Variants in CENPU observed in about 807,000 individuals in gnomAD.
CENPU encodes KSHV latent nuclear antigen interacting protein 1.
A neutral mutation model predicts 56.7 loss-of-function variants in CENPU; 46 were observed. The ratio of observed to expected loss-of-function variants is 0.81; its 90% CI spans 0.64 to 1.04. CENPU has a LOEUF of 1.04. Among genes scored for constraint, CENPU ranks in the 50% least tolerant of loss-of-function variants. CENPU has a pLI of 0.00. For synonymous variants in CENPU, 166 were observed against 163.0 expected, an observed-to-expected ratio of 1.02 and a Z score of -0.14; for missense variants, 510 against 490.1, an observed-to-expected ratio of 1.04 and a Z score of -0.38.
chr4:184,733,974 C>G (rs199997490), intron 1 of CENPU, 42 bp downstream of exon 1: 5 of 1,611,086 alleles, frequency 3.1e-6, no homozygotes, highest in Non-Finnish European at 4.2e-6. Context: ...GCAGTTCAAG[C>G]TGGTCTCCGG....
intron 4 of CENPU, among the ~76,000 whole-genome samples, chr4:184,723,765 C>A (rs900141276): frequency 7.0e-6 from 1 of 142,232 alleles, no homozygotes; most frequent in Non-Finnish European, 1.5e-5. Flanking sequence ...ATTGCTTGAA[C>A]CTGGGAGGCG....
chr4:184,721,479 G>A (rs33952206), intron 4 of CENPU, among the ~76,000 whole-genome samples: 6,482 of 39,752 alleles, frequency 0.16, 536 homozygotes, highest in African/African-American at 0.34. Context: ...AAAAAAAAAA[G>A]GACCCAATGA....
intron 11 of CENPU, among the ~76,000 whole-genome samples, chr4:184,700,059 T>C (rs1355014873): frequency 1.3e-5 from 2 of 152,250 alleles, no homozygotes; most frequent in East Asian, 3.8e-4. Flanking sequence ...TTTCTCAAGC[T>C]ATTTTTAAGC....
At chr4:184,717,710 T>C (rs951812654) in intron 4 of CENPU, among the ~76,000 whole-genome samples, 1 of 152,314 alleles carries the variant, frequency 6.6e-6, no homozygotes, top group East Asian at 1.9e-4. Flanking sequence ...AGGCTTTCCT[T>C]CAAAGGGTTC....
intron 11 of CENPU, 95 bp downstream of exon 11, chr4:184,700,725 A>T: frequency 1.8e-6 from 2 of 1,089,226 alleles, no homozygotes; most frequent in Non-Finnish European, 2.8e-6. Context: ...CTGGGGCTTT[A>T]ATACATCACA....
chr4:184,699,660 C>T (rs1760463595), intron 11 of CENPU: 7 of 1,237,028 alleles, frequency 5.7e-6, no homozygotes, highest in Non-Finnish European at 7.4e-6. Context: ...ACTCCTGTGG[C>T]AGTCTCTCTT....
chr4:184,727,714 T>C (rs7678849), intron 3 of CENPU, among the ~76,000 whole-genome samples: 27,046 of 152,138 alleles, frequency 0.18, 2,674 homozygotes, highest in African/African-American at 0.26. Flanking sequence ...TTCACAGCAG[T>C]ATTATTCACA....
intron 7 of CENPU, 25 bp from the exon 8 acceptor site, chr4:184,710,205 T>G: frequency 6.7e-7 from 1 of 1,484,694 alleles, no homozygotes; most frequent in Non-Finnish European, 9.3e-7. Context: ...TAAGTTAACA[T>G]GCTGGTTATT....
At chr4:184,713,234 T>C (rs1380654551) in intron 6 of CENPU, among the ~76,000 whole-genome samples, 2 of 152,032 alleles carry the variant, frequency 1.3e-5, no homozygotes, top group African/African-American at 4.8e-5. Flanking sequence ...CTACTAAAAA[T>C]ACAAAAATTG....
intron 8 of CENPU, among the ~76,000 whole-genome samples, chr4:184,709,265 G>T (rs780243670): frequency 1.4e-4 from 21 of 152,162 alleles, no homozygotes; most frequent in Non-Finnish European, 2.8e-4. Flanking sequence ...GAGGTGGGCA[G>T]ATCACGAGAT....
At chr4:184,696,309 C>T (rs999325394) in intron 12 of CENPU, among the ~76,000 whole-genome samples, 1 of 152,190 alleles carries the variant, frequency 6.6e-6, no homozygotes. Flanking sequence ...GCCCAAATAT[C>T]TACACTTAAT....
At chr4:184,729,688 G>A (rs1014620989) in intron 2 of CENPU, among the ~76,000 whole-genome samples, 1 of 152,168 alleles carries the variant, frequency 6.6e-6, no homozygotes, top group Non-Finnish European at 1.5e-5. Flanking sequence ...TCCTGTCTCC[G>A]GAAATATGCC....
intron 11 of CENPU, among the ~76,000 whole-genome samples, chr4:184,699,819 C>G (rs995345296): frequency 2.0e-5 from 3 of 152,104 alleles, no homozygotes; most frequent in Non-Finnish European, 2.9e-5. Context: ...CACCACCACA[C>G]CCGGCTAATT....
At chr4:184,732,630 A>C (rs1056248230) in intron 1 of CENPU, among the ~76,000 whole-genome samples, 11 of 151,988 alleles carry the variant, frequency 7.2e-5, no homozygotes, top group Non-Finnish European at 1.2e-4. Flanking sequence ...GGGGGGAAAA[A>C]AAGTCAAGGT....
intron 3 of CENPU, 112 bp downstream of exon 3, chr4:184,728,806 T>G: frequency 1.3e-6 from 1 of 749,454 alleles, no homozygotes; most frequent in Non-Finnish European, 2.3e-6. Flanking sequence ...AACATTATAT[T>G]TACATGCAGG....
At position 184,716,590 on chromosome 4, in the gene CENPU, A is replaced by T. The variant is rs1238500794; in HGVS notation, c.425T>A (p.Ile142Asn). 1 of 1,614,106 alleles carries T rather than the reference A, an allele frequency of 6.2e-7. No individual in the cohort carries two copies. The highest frequency in any genetic ancestry group is 1.7e-5 in the Admixed American group (1 of 60,028). The change falls in exon 6 of 13, where the codon ATT (isoleucine) becomes AAT (asparagine). Residue 142 changes from isoleucine to asparagine, a missense_variant. Physicochemically the swap from Ile to Asn is moderately radical, Grantham distance 149. Transcript: ENST00000281453. ...TTTTCTCCTTGTATCACTTTCTTCA[A>T]TGCTTTCAGAGTCATCACTAATGGG... ...LRPISDDSES[I>N]EESDTRRKVK...
chr4:184,719,090 C>T (rs1761189554), intron 4 of CENPU, among the ~76,000 whole-genome samples: 1 of 152,084 alleles, frequency 6.6e-6, no homozygotes, highest in African/African-American at 2.4e-5. Flanking sequence ...AGGAAACAGC[C>T]AGGAGCAAGA....
chr4:184,713,712 A>G (rs2150215413), intron 6 of CENPU, among the ~76,000 whole-genome samples: 1 of 152,318 alleles, frequency 6.6e-6, no homozygotes, highest in Non-Finnish European at 1.5e-5. Flanking sequence ...GGCACTGGAC[A>G]GTAGGCAACA....
intron 8 of CENPU, among the ~76,000 whole-genome samples, chr4:184,703,797 G>C (rs1208347177): frequency 6.6e-6 from 1 of 152,216 alleles, no homozygotes; most frequent in East Asian, 1.9e-4. Flanking sequence ...TAAAGGAAAT[G>C]TGTTAAAATC....
Sources: allele counts gnomAD v4.1 joint callset (sites outside exome capture counted in the v4.1 genomes callset), GRCh38; gene constraint gnomAD v4.1.1; transcripts MANE v1.5; gene names NCBI Gene and HGNC (gene_info 2026-07-23, HGNC 2026-07-21).